EXOC6: variants seen among roughly 807,000 people sequenced by gnomAD.
The protein encoded by EXOC6 is exocyst complex component 6, also known as SEC15-like 1.
EXOC6 carries 60 observed loss-of-function variants against 112.5 expected under a neutral mutation model. That is an observed-to-expected ratio of 0.53 (90% CI 0.43 to 0.66). The LOEUF (loss-of-function observed/expected upper bound fraction) is 0.66. Ranked by LOEUF, EXOC6 falls within the 30% of genes least tolerant of loss-of-function variation. The pLI is 0.00. For synonymous variants in EXOC6, 295 were observed against 308.0 expected, an observed-to-expected ratio of 0.96 and a Z score of 0.44; for missense variants, 855 against 957.1, an observed-to-expected ratio of 0.89 and a Z score of 1.41.
rs1232424098 is a variant in EXOC6 at position 92,864,922 on chromosome 10, TTA to T, written c.101+16292_101+16293del. On this transcript the variant is annotated intron_variant, in intron 1 of 21. Transcript: ENST00000260762. ...TGAGCCCATTCCTGTAATAAATCTTTTATATGTCTTTATATATCCTATTAGTT... is the reference window on the plus strand; with the variant it reads ...TGAGCCCATTCCTGTAATAAATCTTTTATGTCTTTATATATCCTATTAGTT... Among the ~76,000 whole-genome samples the T allele has an allele frequency of 2.6e-5, 4 of 152,268 alleles. No homozygotes were observed. In the East Asian group the frequency reaches 5.8e-4, roughly 22 times the overall value.
At chr10:93,013,082 A>G (rs1844332525) in intron 19 of EXOC6, among the ~76,000 whole-genome samples, 1 of 152,086 alleles carries the variant, frequency 6.6e-6, no homozygotes, top group Non-Finnish European at 1.5e-5. Flanking sequence ...GAAAATGATT[A>G]CAGGCATTCT....
At chr10:92,891,728 C>T (rs966489527) in intron 1 of EXOC6, among the ~76,000 whole-genome samples, 6 of 152,048 alleles carry the variant, frequency 3.9e-5, no homozygotes, top group South Asian at 2.1e-4. Context: ...GTGATCTGTC[C>T]GCATCGGCTC....
chr10:92,983,786 C>T (rs895354117), intron 18 of EXOC6, among the ~76,000 whole-genome samples: 1 of 152,104 alleles, frequency 6.6e-6, no homozygotes, highest in African/African-American at 2.4e-5. Context: ...GGATTATAGG[C>T]ACGAGCCACT....
chr10:93,006,084 T>C (rs1843964444), intron 19 of EXOC6, among the ~76,000 whole-genome samples: 1 of 151,966 alleles, frequency 6.6e-6, no homozygotes, highest in Admixed American at 6.6e-5. Flanking sequence ...TGCTTGAGCC[T>C]GGAAGGTCAA....
At chr10:92,979,765 C>CA (rs1203019595) in intron 18 of EXOC6, among the ~76,000 whole-genome samples, 3 of 151,922 alleles carry the variant, frequency 2.0e-5, no homozygotes, top group East Asian at 3.9e-4. Context: ...CTCATCTCTA[C>CA]AAAAAATTAA....
At chr10:92,870,032 A>G (rs1173913493) in intron 1 of EXOC6, among the ~76,000 whole-genome samples, 12 of 147,258 alleles carry the variant, frequency 8.1e-5, no homozygotes, top group African/African-American at 2.3e-4. Context: ...GCTCACTGCA[A>G]CCTCCGCCTC....
chr10:92,852,109 C>T (rs575952648), intron 1 of EXOC6, among the ~76,000 whole-genome samples: 17 of 152,294 alleles, frequency 1.1e-4, no homozygotes, highest in Middle Eastern at 6.8e-3. Flanking sequence ...CATGCTCATA[C>T]ATTTGGCAAC....
intron 8 of EXOC6, among the ~76,000 whole-genome samples, chr10:92,922,759 A>G (rs962487740): frequency 6.6e-6 from 1 of 152,200 alleles, no homozygotes; most frequent in African/African-American, 2.4e-5. Context: ...GCTGTATCCT[A>G]AACTTTGAGT....
chr10:92,976,691 A>AAC (rs1554908254), intron 18 of EXOC6, among the ~76,000 whole-genome samples: 2 of 151,488 alleles, frequency 1.3e-5, no homozygotes, highest in African/African-American at 4.9e-5. Context: ...AAAAAAAAAA[A>AAC]CATAATTAAT....
At chr10:92,870,196 C>A (rs533544918) in intron 1 of EXOC6, among the ~76,000 whole-genome samples, 50 of 152,108 alleles carry the variant, frequency 3.3e-4, no homozygotes, top group African/African-American at 1.2e-3. Context: ...TCAGTTGATC[C>A]GCCCGCCTCA....
rs1215854562 is a variant in EXOC6, at chr10:92,885,545, A to G, written c.102-7804A>G. Among the ~76,000 whole-genome samples, 5 of 152,078 alleles carry G rather than the reference A, an allele frequency of 3.3e-5. No individual in the cohort carries two copies. In the South Asian group the frequency reaches 1.0e-3, roughly 32 times the overall value. The stretch of plus-strand genomic sequence containing the variant: ...AGGTGTGCATCACCACGCCTGGCTA[A>G]TTTTTGTATTTTTAGTAGAGACAGC... On this transcript the variant is annotated intron_variant, in intron 1 of 21. Coordinates refer to ENST00000260762, the MANE Select transcript of EXOC6 (RefSeq NM_019053.6).
chr10:92,988,605 A>C (rs958865100), intron 18 of EXOC6, among the ~76,000 whole-genome samples: 1 of 152,166 alleles, frequency 6.6e-6, no homozygotes, highest in Non-Finnish European at 1.5e-5. Context: ...TTGATTATCT[A>C]TTGAATTAAG....
chr10:92,894,896 T>G (rs1165490194), intron 3 of EXOC6, 34 bp from the exon 4 acceptor site: 5 of 1,605,832 alleles, frequency 3.1e-6, no homozygotes, highest in Middle Eastern at 1.7e-4. Flanking sequence ...TTTAACTGTT[T>G]GTTTAAAAAT....
chr10:92,831,285 T>C (rs560963262), upstream of EXOC6: 33 of 1,285,746 alleles, frequency 2.6e-5, no homozygotes, highest in East Asian at 1.7e-3. Context: ...AGACCTTGAA[T>C]CTCCAGGCTG....
rs7089510 is a variant in EXOC6, at chr10:93,058,046, A to G, written c.2283-177A>G. Among the ~76,000 whole-genome samples the G allele has an allele frequency of 6.6e-3, 1,001 of 152,282 alleles. 11 individuals are homozygous for G. The highest frequency in any genetic ancestry group is 0.023 in the African/African-American group (938 of 41,558). On this transcript the variant is annotated intron_variant, in intron 21 of 21. Coordinates refer to ENST00000260762, the MANE Select transcript of EXOC6 (RefSeq NM_019053.6). The stretch of plus-strand genomic sequence containing the variant: ...ACATAGAATGTAAAATAAAGCTTCT[A>G]ATTTTTTGCATGGTTACTATATCTG...
chr10:92,955,540 T>A (rs1853646176), intron 16 of EXOC6, 40 bp from the exon 17 acceptor site: 1 of 1,539,918 alleles, frequency 6.5e-7, no homozygotes, highest in Admixed American at 1.8e-5. Context: ...TTTACATACA[T>A]GTAACCTGTA....
chr10:92,908,766 G>GTTA (rs1850583268), intron 5 of EXOC6, among the ~76,000 whole-genome samples: 1 of 152,160 alleles, frequency 6.6e-6, no homozygotes, highest in South Asian at 2.1e-4. Flanking sequence ...TAGGGCAAAG[G>GTTA]CTACACTTTA....
chr10:93,016,726 T>C lies in EXOC6; in HGVS notation c.2169+2459T>C, dbSNP rs561687227. ...TTCCTGAAATTCTGATGTCTTGATA[T>C]ATGTTATCAGTCATAATTATTATGT... is the stretch of plus-strand genomic sequence containing the variant. On this transcript the variant is annotated intron_variant, in intron 20 of 21. Transcript: ENST00000260762. Among the ~76,000 whole-genome samples the C allele has an allele frequency of 3.9e-5, 6 of 152,338 alleles. No homozygotes were observed. The South Asian group carries it at 1.2e-3, about 32-fold the overall frequency.
At chr10:92,882,567 G>A (rs971313291) in intron 1 of EXOC6, among the ~76,000 whole-genome samples, 1 of 141,288 alleles carries the variant, frequency 7.1e-6, no homozygotes, top group African/African-American at 2.6e-5. Flanking sequence ...AAAAAAAATT[G>A]GGAGGTGGTG....
Sources: gnomAD v4.1 joint callset for allele counts (sites outside exome capture counted in the v4.1 genomes callset) on GRCh38, gnomAD v4.1.1 for gene constraint, MANE v1.5 for transcripts, NCBI Gene and HGNC (gene_info 2026-07-23, HGNC 2026-07-21) for gene names.